NLRC3: variants seen among roughly 807,000 people sequenced by gnomAD.
NLRC3 encodes the protein NLR family CARD domain containing 3.
A neutral mutation model predicts 91.6 loss-of-function variants in NLRC3; 87 were observed. The ratio of observed to expected loss-of-function variants is 0.95; its 90% confidence interval spans 0.80 to 1.14. NLRC3 has a LOEUF of 1.14. NLRC3 is among the 50% of genes most tolerant of loss of function. The pLI, the probability that NLRC3 is intolerant of heterozygous loss-of-function variation, is 0.00. For synonymous variants in NLRC3, 694 were observed against 625.3 expected (o/e 1.11, Z -1.64); for missense variants, 1,577 against 1,418.6 (o/e 1.11, Z -1.79).
chr16:3,548,585 G>A (rs1192447785), intron 14 of NLRC3, 85 bp downstream of exon 14: 4 of 1,027,378 alleles, frequency 3.9e-6, no homozygotes, highest in African/African-American at 1.6e-5. Flanking sequence ...CCCAAACCAG[G>A]TGTGGCCTGT....
intron 15 of NLRC3, among the ~76,000 whole-genome samples, chr16:3,546,730 G>A (rs1396053637): frequency 6.6e-6 from 1 of 152,188 alleles, no homozygotes; most frequent in Non-Finnish European, 1.5e-5. Context: ...TACAGAGGGG[G>A]TGTGGACGCG....
At chr16:3,566,275 C>A (rs1294651975) in intron 2 of NLRC3, among the ~76,000 whole-genome samples, 1 of 151,874 alleles carries the variant, frequency 6.6e-6, no homozygotes, top group South Asian at 2.1e-4. Context: ...TATGGGAAGT[C>A]TCTGTACTTT....
Position 3,564,078 on chromosome 16 carries a change from G to C in NLRC3, c.859C>G (p.Arg287Gly), listed in dbSNP as rs779169882. 6.2e-7 allele frequency: 1 copy of C among 1,613,300 alleles called. No homozygotes were observed. The highest frequency in any genetic ancestry group is 8.5e-7 in the Non-Finnish European group (1 of 1,179,886). The change falls in exon 5 of 20, where the codon CGG becomes GGG. Residue 287 changes from arginine to glycine, a missense_variant. Arg to Gly is a moderately radical substitution (Grantham distance 125). Transcript: ENST00000359128. This position sits in a 1 kb window ranked among gnomAD's most constrained non-coding sequence, Gnocchi z 5.9. ...GGLVDRMTEI[R>G]GFNEEEIKVC... ...TTGATCTCCTCCTCGTTAAAGCCCC[G>C]GATCTCCGTCATCCGGTCCACCAGG...
Position 3,543,279 on chromosome 16 carries a change from G to T in NLRC3, c.2939+146C>A, listed in dbSNP as rs563517316. On this transcript the variant is annotated intron_variant, in intron 17 of 19. Coordinates refer to ENST00000359128, the MANE Select transcript of NLRC3 (RefSeq NM_178844.4). ...ACTCCCAGGGAAAGGCATGAAGTGGGGCTGGGAAACTGGTATACTTGCACT... is the reference window on the plus strand; with the variant it reads ...ACTCCCAGGGAAAGGCATGAAGTGGTGCTGGGAAACTGGTATACTTGCACT... The T allele has an allele frequency of 2.7e-4, 177 of 660,730 alleles. No individual in the cohort carries two copies. In the African/African-American group the frequency reaches 3.0e-3, roughly 11 times the overall value. 40.9% of individuals were successfully genotyped at this position (660,730 alleles called of 1,614,324 possible).
intron 11 of NLRC3, 33 bp downstream of exon 11, chr16:3,550,380 CA>C (rs749560537): frequency 1.5e-5 from 22 of 1,456,674 alleles, no homozygotes; most frequent in East Asian, 4.5e-5. Flanking sequence ...AAAGAGAACC[CA>C]GGGGGAATCG....
chr16:3,554,457 T>A (rs1315527766), intron 8 of NLRC3, 132 bp from the exon 9 acceptor site: 1 of 644,004 alleles, frequency 1.6e-6, no homozygotes. Flanking sequence ...CCGCCCACCA[T>A]GCAGGGAGAG....
intron 12 of NLRC3, 57 bp downstream of exon 12, chr16:3,549,640 G>T: frequency 1.5e-6 from 2 of 1,298,496 alleles, no homozygotes; most frequent in Non-Finnish European, 2.2e-6. Flanking sequence ...CCAAGTCCCT[G>T]CAGACAGGTG....
chr16:3,549,726 G>A lies in NLRC3; in HGVS notation c.2490C>T (p.Leu830=). ...DAGVAALMGA[L]CTNQTLLSLS... The stretch of plus-strand genomic sequence containing the variant: ...GGCTGAGGAGGGTCTGGTTGGTGCA[G>A]AGGGCCCCCATCAGTGCTGCCACTC... The change falls in exon 12 of 20, where the codon CTC becomes CTT. Residue 830 remains leucine, a synonymous_variant. Transcript: ENST00000359128. 1 of 1,551,356 alleles carries A rather than the reference G, an allele frequency of 6.4e-7. No individual in the cohort carries two copies.
chr16:3,544,162 GAAAAAAA>G (rs60164526), intron 16 of NLRC3, 77 bp downstream of exon 16: 3 of 670,352 alleles, frequency 4.5e-6, no homozygotes, highest in Non-Finnish European at 7.6e-6. Context: ...TTGTCTCGAG[GAAAAAAA>G]AAAAAAAAAA....
intron 6 of NLRC3, 92 bp downstream of exon 6, chr16:3,561,610 G>T: frequency 1.2e-6 from 1 of 861,650 alleles, no homozygotes; most frequent in Non-Finnish European, 1.9e-6. Context: ...CCGTGGCAGC[G>T]CCGCTGGCCA....
At chr16:3,546,649 G>T (rs1438320950) in intron 15 of NLRC3, among the ~76,000 whole-genome samples, 1 of 152,170 alleles carries the variant, frequency 6.6e-6, no homozygotes, top group Non-Finnish European at 1.5e-5. Flanking sequence ...CACAAGATGG[G>T]GAGCCAAGAA....
At position 3,548,717 on chromosome 16, in the gene NLRC3, C is replaced by T; in HGVS notation, c.2640G>A (p.Arg880=). The T allele has an allele frequency of 6.2e-7, 1 of 1,604,844 alleles. No homozygotes were observed. Among genetic ancestry groups the T allele is most frequent in the South Asian group, 1.1e-5 (1 of 88,788 alleles). The change falls in exon 14 of 20, where the codon CGG becomes CGA. Residue 880 remains arginine, a synonymous_variant. Transcript: ENST00000359128. The part of the protein sequence containing the change: ...TANLLHDQGA[R]AIAVAVRENR... ...TTTCTCTCACTGCCACTGCGATGGC[C>T]CGGGCACCCTGGTCGTGGAGGAGGT...
rs1197326629 is a variant in NLRC3, at chr16:3,549,706, A to G, written c.2510T>C (p.Leu837Pro). Reference sequence around the variant, plus strand: ...GGTGGCCAGGACTTACCTGAGGCTGAGGAGGGTCTGGTTGGTGCAGAGGGC... The same window carrying G: ...GGTGGCCAGGACTTACCTGAGGCTGGGGAGGGTCTGGTTGGTGCAGAGGGC... ...MGALCTNQTL[L>P]SLSLRENSIS... The change falls in exon 12 of 20, where the codon CTC becomes CCC. Residue 837 changes from leucine to proline, a missense_variant. Coordinates refer to ENST00000359128, the MANE Select transcript of NLRC3 (RefSeq NM_178844.4). The G allele has an allele frequency of 1.3e-6, 2 of 1,550,798 alleles. No individual in the cohort carries two copies. The highest frequency in any genetic ancestry group is 3.9e-5 in the Admixed American group (2 of 50,982).
intron 1 of NLRC3, among the ~76,000 whole-genome samples, chr16:3,574,523 G>A (rs1028623049): frequency 1.3e-5 from 2 of 152,164 alleles, no homozygotes; most frequent in Non-Finnish European, 2.9e-5. Context: ...AGGCGGGGAC[G>A]GGGTGTAGGG....
chr16:3,565,096 G>A (rs749282265), intron 3 of NLRC3, 36 bp from the exon 4 acceptor site: 1 of 1,522,378 alleles, frequency 6.6e-7, no homozygotes, highest in Non-Finnish European at 9.0e-7. Context: ...TGCCTGCCGT[G>A]CCCCCCATCC....
chr16:3,562,047 C>T (rs751409235), intron 5 of NLRC3, among the ~76,000 whole-genome samples: 10 of 152,204 alleles, frequency 6.6e-5, no homozygotes, highest in Non-Finnish European at 1.2e-4. Context: ...CCTGCCTCTG[C>T]GGGACACCTG....
chr16:3,563,517 C>G lies in NLRC3; in HGVS notation c.1420G>C (p.Ala474Pro). Residue 474 changes from alanine (A) to proline (P), a missense_variant, in exon 5 of 20, where the codon GCC (alanine) becomes CCC (proline). By Grantham distance (27) the Ala-to-Pro change is conservative. Coordinates refer to ENST00000359128, the MANE Select transcript of NLRC3 (RefSeq NM_178844.4). ...CTCTCAGTGAAGAGGTCGAAGATGG[C>G]CCTCCTGGATGCGCCATAGTAATAC... Reference protein sequence around the residue: ...AAYYYGASRRAIFDLFTESGV... With the variant: ...AAYYYGASRRPIFDLFTESGV... The G allele has an allele frequency of 6.2e-7, 1 of 1,604,088 alleles. No individual in the cohort carries two copies.
intron 9 of NLRC3, among the ~76,000 whole-genome samples, chr16:3,553,754 A>T (rs1567133317): frequency 6.8e-6 from 1 of 147,934 alleles, no homozygotes; most frequent in Non-Finnish European, 1.5e-5. Context: ...TTTTAATTTT[A>T]TTTTTTTTTG....
intron 1 of NLRC3, among the ~76,000 whole-genome samples, chr16:3,574,356 C>T (rs1277393369): frequency 1.3e-5 from 2 of 152,030 alleles, no homozygotes; most frequent in Admixed American, 1.3e-4. Context: ...ATTGGTCTGG[C>T]AAGGGCCCCC....
Sources: allele counts gnomAD v4.1 joint callset (sites outside exome capture counted in the v4.1 genomes callset), GRCh38; gene constraint gnomAD v4.1.1; non-coding constraint Gnocchi (gnomAD v3.1); transcripts MANE v1.5; gene names NCBI Gene and HGNC (gene_info 2026-07-23, HGNC 2026-07-21).